ZNF268: variants seen among roughly 807,000 people sequenced by gnomAD.
ZNF268 encodes zinc finger protein 268, also known as zinc finger protein 3.
ZNF268 carries 20 observed loss-of-function variants against 29.3 expected under a neutral mutation model. The observed-to-expected ratio is 0.68, with a 90% CI of 0.48 to 0.99. The LOEUF is 0.99. ZNF268 is among the 50% of genes least tolerant of loss of function. The probability of loss-of-function intolerance (pLI) is 0.00; values close to 1 mark genes in which losing one functional copy is unlikely to be tolerated. For synonymous variants in ZNF268, 429 were observed against 376.9 expected (o/e 1.14, Z -1.60); for missense variants, 1,240 against 1,121.6 (o/e 1.11, Z -1.51).
Position 133,203,474 on chromosome 12 carries a change from G to A in ZNF268, c.1788G>A (p.Lys596=). Residue 596 remains lysine, a synonymous_variant, in exon 6 of 6, where the codon AAG becomes AAA. Transcript: ENST00000536435. ...ACTGTGGAAAGGCTTTTGGTTTAAA[G>A]TCACAGCTTATTATACACCAGAGAA... is the stretch of plus-strand genomic sequence containing the variant. ...CTDCGKAFGL[K]SQLIIHQRTH... 1 of 1,542,310 alleles carries A rather than the reference G, an allele frequency of 6.5e-7. No homozygotes were observed. The highest frequency in any genetic ancestry group is 8.7e-7 in the Non-Finnish European group (1 of 1,148,444).
chr12:133,203,306 A>G lies in ZNF268; in HGVS notation c.1620A>G (p.Lys540=). ...CNNCGKAFSF[K]SQLIIHQRIH... ...ATTGTGGGAAAGCCTTCAGTTTTAA[A>G]TCACAGCTCATTATACATCAGAGGA... The change falls in exon 6 of 6, where the codon AAA becomes AAG. Residue 540 remains lysine, a synonymous_variant. Coordinates refer to ENST00000536435, the MANE Select transcript of ZNF268 (RefSeq NM_003415.3). 6.5e-7 allele frequency: 1 copy of G among 1,541,664 alleles called. No individual in the cohort carries two copies. The highest frequency in any genetic ancestry group is 8.7e-7 in the Non-Finnish European group (1 of 1,148,024).
intron 2 of ZNF268, 130 bp downstream of exon 2, chr12:133,182,160 C>A: frequency 1.3e-6 from 1 of 795,102 alleles, no homozygotes; most frequent in Non-Finnish European, 2.0e-6. Context: ...ACTGGATCGT[C>A]ATTTATAGCA....
In ZNF268 at chr12:133,186,447, C is replaced by T. The variant is rs148574813; in HGVS notation, c.34-1425C>T. 4.8e-4 allele frequency among the ~76,000 whole-genome samples: 72 copies of T among 150,250 alleles called. No homozygotes were observed. The East Asian group carries it at 0.014, about 28-fold the overall frequency. On this transcript the variant is annotated intron_variant, in intron 2 of 5. Coordinates refer to ENST00000536435, the MANE Select transcript of ZNF268 (RefSeq NM_003415.3). Reference sequence around the variant, plus strand: ...GCCCAGGCTGGAGTACAGTGGCACTCACTGCAACCTCTGCTTCCCAGGTTC... The same window carrying T: ...GCCCAGGCTGGAGTACAGTGGCACTTACTGCAACCTCTGCTTCCCAGGTTC...
rs1376764297 is a variant in ZNF268 at position 133,206,460 on chromosome 12, TCA to T, written c.*1933_*1934del. ...TACTTAGTTACATGTAGCTATAGAGTCACAGTGGTGAAAAACTCTGCCAGTTG... is the reference window on the plus strand; with the variant it reads ...TACTTAGTTACATGTAGCTATAGAGTCAGTGGTGAAAAACTCTGCCAGTTG... On this transcript the variant is annotated 3_prime_UTR_variant, in exon 6 of 6. Transcript: ENST00000536435. 1 of 152,110 alleles carries T rather than the reference TCA, an allele frequency of 6.6e-6. No homozygotes were observed. The highest frequency in any genetic ancestry group is 1.5e-5 in the Non-Finnish European group (1 of 68,030). 9.4% of individuals were successfully genotyped at this position (152,110 alleles called of 1,614,324 possible). A position where few individuals can be genotyped will look rare whatever the true frequency, so the allele number is the denominator to read the frequency against.
rs1206418261 is a variant in ZNF268 at position 133,204,162 on chromosome 12, C to T, written c.2476C>T (p.His826Tyr). ...CATTTGGAAATCACTACTCATTGTA[C>T]ATGAGCGAACTCATGCAGGGGTCAA... ...AFIWKSLLIV[H>Y]ERTHAGVNPY... The change falls in exon 6 of 6, where the codon CAT (histidine) becomes TAT (tyrosine). Residue 826 changes from histidine (H) to tyrosine (Y), a missense_variant. By Grantham distance (83) the His-to-Tyr change is moderately conservative. Around this residue, in one of 3 missense-constraint regions of ZNF268, gnomAD observed 1,177 missense variants for 1,039.6 expected, o/e 1.13. Coordinates refer to ENST00000536435, the MANE Select transcript of ZNF268 (RefSeq NM_003415.3). 6.5e-7 allele frequency: 1 copy of T among 1,542,022 alleles called. No homozygotes were observed. The highest frequency in any genetic ancestry group is 8.7e-7 in the Non-Finnish European group (1 of 1,147,236).
intron 2 of ZNF268, among the ~76,000 whole-genome samples, chr12:133,184,318 A>G (rs1487811485): frequency 6.6e-6 from 1 of 151,870 alleles, no homozygotes; most frequent in Non-Finnish European, 1.5e-5. Context: ...TGTTGGCCAC[A>G]ATGACCTCGA....
intron 5 of ZNF268, among the ~76,000 whole-genome samples, chr12:133,192,755 T>C (rs886287693): frequency 2.6e-5 from 4 of 151,980 alleles, no homozygotes; most frequent in Non-Finnish European, 4.4e-5. Flanking sequence ...CTGCAAGCTC[T>C]GCCTCCCGGG....
At position 133,213,478 on chromosome 12, in the gene ZNF268, G is replaced by A. The variant is rs1029962010; in HGVS notation, c.*8948G>A. ...GTGGGAGGATCACTTGAGGTCAGGA[G>A]TGCGAGACCAGCCTGGTTAACTTGG... On this transcript the variant is annotated 3_prime_UTR_variant, in exon 6 of 6. Coordinates refer to ENST00000536435, the MANE Select transcript of ZNF268 (RefSeq NM_003415.3). The A allele has an allele frequency of 6.7e-6, 1 of 149,418 alleles. No individual in the cohort carries two copies. Among genetic ancestry groups the A allele is most frequent in the East Asian group, 2.0e-4 (1 of 4,920 alleles). The allele number at this position is 149,418 out of a possible 1,614,324, so 9.3% of individuals were successfully genotyped here. A position where few individuals can be genotyped will look rare whatever the true frequency, so the allele number is the denominator to read the frequency against.
chr12:133,191,955 G>A lies in ZNF268; in HGVS notation c.409G>A (p.Glu137Lys), dbSNP rs1489351188. The change falls in exon 5 of 6, where the codon GAA (glutamate) becomes AAA (lysine). Residue 137 changes from glutamate (E) to lysine (K), a missense_variant. Glu to Lys is a moderately conservative substitution (Grantham distance 56). Around this residue, in one of 3 missense-constraint regions of ZNF268, gnomAD observed 1,177 missense variants for 1,039.6 expected, o/e 1.13. Coordinates refer to ENST00000536435, the MANE Select transcript of ZNF268 (RefSeq NM_003415.3). Reference sequence around the variant, plus strand: ...TATCATCTTCAAGTTGGAACAAGGAGAAGAGCTGTGTATGGTGCAGGCCCA... The same window carrying A: ...TATCATCTTCAAGTTGGAACAAGGAAAAGAGCTGTGTATGGTGCAGGCCCA... ...PDIIFKLEQG[E>K]ELCMVQAQVP... The A allele has an allele frequency of 1.2e-6, 2 of 1,614,148 alleles. No individual in the cohort carries two copies. Among genetic ancestry groups the A allele is most frequent in the South Asian group, 2.2e-5 (2 of 91,084 alleles).
chr12:133,189,024 G>T (rs991320637), intron 3 of ZNF268, among the ~76,000 whole-genome samples: 2 of 151,404 alleles, frequency 1.3e-5, no homozygotes, highest in Non-Finnish European at 2.9e-5. Context: ...TTCACTTTTC[G>T]ATTTACAGTG....
In ZNF268 at chr12:133,213,705, A is replaced by T. The variant is rs543880352; in HGVS notation, c.*9175A>T. The T allele has an allele frequency of 0.012, 1,179 of 101,444 alleles. 14 individuals carry two copies. The highest frequency in any genetic ancestry group is 0.061 in the African/African-American group (947 of 15,566). The allele number at this position is 101,444 out of a possible 1,614,324, so 6.3% of individuals were successfully genotyped here. A position where few individuals can be genotyped will look rare whatever the true frequency, so the allele number is the denominator to read the frequency against. ...AGCAAGAAAGCAAAATTCCATCTCA[A>T]AAAAAAAAAAAAGGCCGGGTGTGGT... On this transcript the variant is annotated 3_prime_UTR_variant, in exon 6 of 6. Transcript: ENST00000536435.
At chr12:133,193,768 A>T (rs978168482) in intron 5 of ZNF268, among the ~76,000 whole-genome samples, 1 of 152,096 alleles carries the variant, frequency 6.6e-6, no homozygotes, top group African/African-American at 2.4e-5. Context: ...AGCCATACTG[A>T]TCTTTTATCT....
Position 133,213,099 on chromosome 12 carries a change from C to T in ZNF268, c.*8569C>T, listed in dbSNP as rs1957010652. On this transcript the variant is annotated 3_prime_UTR_variant, in exon 6 of 6. Transcript: ENST00000536435. ...CAAACTCCTGTCCTCAAGTGATCCA[C>T]TTACCTTGGCCTCCCAAAGTGCTGG... The T allele has an allele frequency of 6.6e-6, 1 of 152,232 alleles. No homozygotes were observed. The highest frequency in any genetic ancestry group is 6.5e-5 in the Admixed American group (1 of 15,280). 9.4% of individuals were successfully genotyped at this position (152,232 alleles called of 1,614,324 possible).
chr12:133,202,837 G>A lies in ZNF268; in HGVS notation c.1151G>A (p.Gly384Glu), dbSNP rs199607782. Residue 384 changes from glycine to glutamate, a missense_variant, in exon 6 of 6, where the codon GGA becomes GAA. Physicochemically the swap from Gly to Glu is moderately conservative, Grantham distance 98 (BLOSUM62 -2). Coordinates refer to ENST00000536435, the MANE Select transcript of ZNF268 (RefSeq NM_003415.3). ...GTTTCACACCAGAAAACTCATTCAG[G>A]ACAGAAACCATATGTGTGTAATGAA... ...QLVSHQKTHSGQKPYVCNECG... is the reference protein window; with the variant it reads ...QLVSHQKTHSEQKPYVCNECG... The A allele has an allele frequency of 1.9e-6, 3 of 1,593,010 alleles. No homozygotes were observed. The highest frequency in any genetic ancestry group is 1.7e-5 in the Admixed American group (1 of 57,362).
chr12:133,184,997 A>G (rs1956272911), intron 2 of ZNF268, among the ~76,000 whole-genome samples: 2 of 152,108 alleles, frequency 1.3e-5, no homozygotes, highest in South Asian at 4.1e-4. Context: ...CAGCCTGGCC[A>G]ACATGGCGAA....
chr12:133,197,546 T>C (rs1481472669), intron 5 of ZNF268, among the ~76,000 whole-genome samples: 1 of 152,158 alleles, frequency 6.6e-6, no homozygotes, highest in African/African-American at 2.4e-5. Flanking sequence ...CCTTTGGGTA[T>C]ATACCCAGTA....
At position 133,203,364 on chromosome 12, in the gene ZNF268, G is replaced by C. The variant is rs1476621408; in HGVS notation, c.1678G>C (p.Glu560Gln). 2 of 1,548,772 alleles carry C rather than the reference G, an allele frequency of 1.3e-6. No individual in the cohort carries two copies. Among genetic ancestry groups the C allele is most frequent in the Admixed American group, 1.9e-5 (1 of 51,562 alleles). ...AGGAGAGAACCCCTATGAATGCCAT[G>C]AATGTGGGAAAGCCTTCAGTCGGAA... ...HTGENPYECH[E>Q]CGKAFSRKYQ... Residue 560 changes from glutamate (E) to glutamine (Q), a missense_variant, in exon 6 of 6, where the codon GAA becomes CAA. Around this residue, in one of 3 missense-constraint regions of ZNF268, gnomAD observed 1,177 missense variants for 1,039.6 expected, o/e 1.13. Coordinates refer to ENST00000536435, the MANE Select transcript of ZNF268 (RefSeq NM_003415.3).
rs1381445106 is a variant in ZNF268, at chr12:133,188,031, C to T, written c.193C>T (p.Leu65=). 1 of 1,594,890 alleles carries T rather than the reference C, an allele frequency of 6.3e-7. No homozygotes were observed. Among genetic ancestry groups the T allele is most frequent in the Non-Finnish European group, 8.5e-7 (1 of 1,170,508 alleles). The part of the protein sequence containing the change: ...SRRIEKVLEW[L]FISQEQPKIT... ...CAGAATAGAGAAAGTCCTAGAGTGG[C>T]TGTTTATTTCCCAAGAGCAGCCAAA... Residue 65 remains leucine, a synonymous_variant, in exon 3 of 6, where the codon CTG becomes TTG. Transcript: ENST00000536435.
intron 2 of ZNF268, among the ~76,000 whole-genome samples, 151 bp downstream of exon 2, chr12:133,182,181 T>C (rs1593863135): frequency 6.6e-6 from 1 of 152,206 alleles, no homozygotes; most frequent in African/African-American, 2.4e-5. Context: ...TGTTAGACTT[T>C]CCAGAAATGC....
Sources: gnomAD v4.1 joint callset for allele counts (sites outside exome capture counted in the v4.1 genomes callset) on GRCh38, gnomAD v4.1.1 for gene constraint, gnomAD v4.1.1 regional missense constraint, MANE v1.5 for transcripts, NCBI Gene and HGNC (gene_info 2026-07-23, HGNC 2026-07-21) for gene names.